Variants in CSGALNACT1 observed in about 807,000 individuals in gnomAD.
CSGALNACT1 encodes beta4GalNAcT-1.
CSGALNACT1 carries 52 observed loss-of-function variants against 51.0 expected under a neutral mutation model. That is an observed-to-expected ratio of 1.02 (90% CI 0.82 to 1.29). The LOEUF (loss-of-function observed/expected upper bound fraction) is 1.29. CSGALNACT1 is among the 50% of genes most tolerant of loss of function. CSGALNACT1 has a pLI of 0.00. For missense variants in CSGALNACT1, 935 were observed against 679.2 expected, an observed-to-expected ratio of 1.38 and a Z score of -4.19; for synonymous variants, 341 against 254.4, an observed-to-expected ratio of 1.34 and a Z score of -3.24.
chr8:19,713,192 G>C (rs187559995), intron 1 of CSGALNACT1, among the ~76,000 whole-genome samples: 1 of 152,136 alleles, frequency 6.6e-6, no homozygotes. Context: ...CAGAGCAGCT[G>C]AATCATTTCC....
At chr8:19,714,389 T>A (rs2062685805) in intron 1 of CSGALNACT1, among the ~76,000 whole-genome samples, 1 of 152,158 alleles carries the variant, frequency 6.6e-6, no homozygotes, top group Admixed American at 6.5e-5. Flanking sequence ...CTCTCGGATC[T>A]GTAATTTGGT....
intron 3 of CSGALNACT1, among the ~76,000 whole-genome samples, chr8:19,516,606 C>T (rs2154024534): frequency 6.6e-6 from 1 of 152,366 alleles, no homozygotes; most frequent in East Asian, 1.9e-4. Flanking sequence ...GACAAATAAT[C>T]CCCATCCCGG....
intron 3 of CSGALNACT1, among the ~76,000 whole-genome samples, chr8:19,586,819 G>C (rs557854575): frequency 6.6e-6 from 1 of 152,308 alleles, no homozygotes; most frequent in African/African-American, 2.4e-5. Flanking sequence ...CTTTACTTTA[G>C]AACTCCCAGA....
intron 1 of CSGALNACT1, among the ~76,000 whole-genome samples, chr8:19,709,806 G>A (rs1333109577): frequency 2.6e-5 from 4 of 152,148 alleles, no homozygotes; most frequent in Non-Finnish European, 1.5e-5. Flanking sequence ...CTAATGCACA[G>A]CGCAGGATGA....
intron 1 of CSGALNACT1, among the ~76,000 whole-genome samples, chr8:19,695,306 G>A (rs1298541473): frequency 6.6e-6 from 1 of 152,008 alleles, no homozygotes; most frequent in African/African-American, 2.4e-5. Flanking sequence ...ACTCATTTCT[G>A]GATGGTTTCA....
At chr8:19,561,886 C>G (rs931251988) in intron 3 of CSGALNACT1, among the ~76,000 whole-genome samples, 1 of 152,156 alleles carries the variant, frequency 6.6e-6, no homozygotes, top group Non-Finnish European at 1.5e-5. Flanking sequence ...GAGCCCAAGC[C>G]AGGCCCAGAT....
In CSGALNACT1 at chr8:19,642,513, G is replaced by A. The variant is rs941136173; in HGVS notation, c.-544+39960C>T. 5.3e-5 allele frequency among the ~76,000 whole-genome samples: 8 copies of A among 152,162 alleles called. No individual in the cohort carries two copies. In the South Asian group the frequency reaches 1.0e-3, roughly 20 times the overall value. On this transcript the variant is annotated intron_variant, in intron 1 of 9. Coordinates refer to the CSGALNACT1 transcript ENST00000332246. ...AAGCTGAGAGTAGTGGCTCATGCCT[G>A]TAATCCCAGGACTTTGGGAGGCCAA...
At chr8:19,629,235 T>G (rs551272700) in intron 1 of CSGALNACT1, among the ~76,000 whole-genome samples, 2 of 152,368 alleles carry the variant, frequency 1.3e-5, no homozygotes, top group South Asian at 4.1e-4. Flanking sequence ...AACGTTTTCC[T>G]GGTCATCTGA....
intron 1 of CSGALNACT1, among the ~76,000 whole-genome samples, chr8:19,699,349 G>T (rs1217551683): frequency 6.6e-6 from 1 of 152,178 alleles, no homozygotes; most frequent in Non-Finnish European, 1.5e-5. Flanking sequence ...CATGTTCATA[G>T]TAGCATTATT....
upstream of CSGALNACT1, chr8:19,682,611 C>T (rs11985450): frequency 0.21 from 94,754 of 453,750 alleles, 10,794 homozygotes; most frequent in East Asian, 0.42. Flanking sequence ...ACTGGGACTT[C>T]AGAGCCCAAA....
chr8:19,543,891 T>A (rs1020975961), intron 3 of CSGALNACT1, among the ~76,000 whole-genome samples: 10 of 152,116 alleles, frequency 6.6e-5, no homozygotes, highest in African/African-American at 9.7e-5. Context: ...AATACGACCT[T>A]TTACCAGTCG....
At chr8:19,463,018 C>T (rs992120933) in intron 4 of CSGALNACT1, among the ~76,000 whole-genome samples, 2 of 152,220 alleles carry the variant, frequency 1.3e-5, no homozygotes, top group Non-Finnish European at 1.5e-5. Context: ...ACGTTCCCTT[C>T]ATTGTGCCCA....
rs550994141 is a variant in CSGALNACT1 at position 19,674,468 on chromosome 8, C to A, written c.-544+8005G>T. 1.2e-4 allele frequency among the ~76,000 whole-genome samples: 19 copies of A among 152,204 alleles called. No homozygotes were observed. In the East Asian group the frequency reaches 3.7e-3, roughly 29 times the overall value. ...GAAGGAAAAAGACCCTGAGGCAGGACAATGTCAGATTCAAAGGTGAAGGCG... is the reference window on the plus strand; with the variant it reads ...GAAGGAAAAAGACCCTGAGGCAGGAAAATGTCAGATTCAAAGGTGAAGGCG... On this transcript the variant is annotated intron_variant, in intron 1 of 9. Transcript: ENST00000332246.
chr8:19,660,965 T>C (rs1664155042), intron 1 of CSGALNACT1, among the ~76,000 whole-genome samples: 1 of 152,128 alleles, frequency 6.6e-6, no homozygotes, highest in African/African-American at 2.4e-5. Context: ...CAGGCTGGAG[T>C]GCAGTGGTGC....
At chr8:19,465,349 G>A (rs2066433558) in intron 4 of CSGALNACT1, among the ~76,000 whole-genome samples, 3 of 152,150 alleles carry the variant, frequency 2.0e-5, no homozygotes, top group Admixed American at 6.6e-5. Flanking sequence ...GGGGAAGCAG[G>A]GACTGGGGAG....
chr8:19,742,334 T>A (rs2064366899), intron 1 of CSGALNACT1, among the ~76,000 whole-genome samples: 1 of 152,214 alleles, frequency 6.6e-6, no homozygotes, highest in Non-Finnish European at 1.5e-5. Context: ...AAACTGAATA[T>A]TCAAGTTGCC....
At chr8:19,590,244 T>C (rs2047516378) in intron 3 of CSGALNACT1, among the ~76,000 whole-genome samples, 1 of 152,206 alleles carries the variant, frequency 6.6e-6, no homozygotes, top group African/African-American at 2.4e-5. Flanking sequence ...ATTACTAAAC[T>C]GCGCACTGAG....
At chr8:19,730,228 C>T (rs371457514) in intron 1 of CSGALNACT1, among the ~76,000 whole-genome samples, 3 of 147,212 alleles carry the variant, frequency 2.0e-5, no homozygotes, top group East Asian at 2.0e-4. Flanking sequence ...TCAATGTCCC[C>T]GTTCCTAAAT....
At chr8:19,598,860 C>T (rs773620812) in intron 2 of CSGALNACT1, among the ~76,000 whole-genome samples, 2 of 152,168 alleles carry the variant, frequency 1.3e-5, no homozygotes, top group African/African-American at 4.8e-5. Context: ...TAGGAGACAT[C>T]CCTTTATTCA....
Sources: gnomAD v4.1 joint callset for allele counts (sites outside exome capture counted in the v4.1 genomes callset) on GRCh38, gnomAD v4.1.1 for gene constraint, MANE v1.5 for transcripts, NCBI Gene and HGNC (gene_info 2026-07-23, HGNC 2026-07-21) for gene names.